UBE2O: variants seen among roughly 807,000 people sequenced by gnomAD.
UBE2O encodes the protein ubiquitin conjugating enzyme E2 O, also known as (E3-independent) E2 ubiquitin-conjugating enzyme.
In UBE2O, 15 loss-of-function variants were observed where a neutral mutation model predicts 125.8. The ratio of observed to expected loss-of-function variants is 0.12; its 90% CI spans 0.08 to 0.18. The LOEUF (loss-of-function observed/expected upper bound fraction) is 0.18, where lower values mean the gene tolerates loss of function less well. UBE2O is among the 10% of genes least tolerant of loss of function. The probability of loss-of-function intolerance (pLI) is 1.00; values close to 1 mark genes in which losing one functional copy is unlikely to be tolerated. For synonymous variants in UBE2O, 708 were observed against 703.2 expected, an observed-to-expected ratio of 1.01 and a Z score of -0.11; for missense variants, 1,280 against 1,723.6, an observed-to-expected ratio of 0.74 and a Z score of 4.56.
chr17:76,402,705 G>A lies in UBE2O; in HGVS notation c.589-6C>T. 1 of 1,612,790 alleles carries A rather than the reference G, an allele frequency of 6.2e-7. No individual in the cohort carries two copies. Among genetic ancestry groups the A allele is most frequent in the African/African-American group, 1.3e-5 (1 of 75,012 alleles). On this transcript the variant is annotated splice_polypyrimidine_tract_variant and splice_region_variant and intron_variant, in intron 3 of 17. Transcript: ENST00000319380. The surrounding 1 kb of genome is among the most constrained non-coding windows in gnomAD (Gnocchi z 5.4). The stretch of plus-strand genomic sequence containing the variant: ...TAGTCCCCATACATGAAGGGCTGCA[G>A]ACCAAGGAGGCAGGGGCAGTGAGAC...
At position 76,390,865 on chromosome 17, in the gene UBE2O, AGG is replaced by A; in HGVS notation, c.*76_*77del. On this transcript the variant is annotated 3_prime_UTR_variant, in exon 18 of 18. Transcript: ENST00000319380. ...AGTGGGGACAGAGGGGCATGGGAAG[AGG>A]GGTGATTCCGGGGGGGAGTGAGCAG... is the stretch of plus-strand genomic sequence containing the variant. 1 of 1,427,386 alleles carries A rather than the reference AGG, an allele frequency of 7.0e-7. No homozygotes were observed. Among genetic ancestry groups the A allele is most frequent in the Non-Finnish European group, 9.5e-7 (1 of 1,056,766 alleles). The allele number at this position is 1,427,386 out of a possible 1,614,324, so 88.4% of individuals were successfully genotyped here.
chr17:76,446,566 ACG>A, intron 1 of UBE2O, among the ~76,000 whole-genome samples: 1 of 152,308 alleles, frequency 6.6e-6, no homozygotes, highest in East Asian at 1.9e-4. Flanking sequence ...GCAAAAACAC[ACG>A]GAAACTGAAG....
At chr17:76,425,117 C>CG (rs2072785344) in intron 1 of UBE2O, among the ~76,000 whole-genome samples, 1 of 150,974 alleles carries the variant, frequency 6.6e-6, no homozygotes, top group Non-Finnish European at 1.5e-5. Flanking sequence ...GTGATCCACC[C>CG]GTCTGGGCCT....
intron 13 of UBE2O, among the ~76,000 whole-genome samples, chr17:76,397,232 G>A (rs927618755): frequency 2.0e-5 from 3 of 152,210 alleles, no homozygotes; most frequent in Non-Finnish European, 2.9e-5. Flanking sequence ...CATGTAGAAG[G>A]GCCGACATAT....
rs2072379013 is a variant in UBE2O at position 76,404,198 on chromosome 17, A to T, written c.588+1008T>A. On this transcript the variant is annotated intron_variant, in intron 3 of 17. Transcript: ENST00000319380. The surrounding 1 kb of genome is among the most constrained non-coding windows in gnomAD (Gnocchi z 4.3). ...GTTTGACAAATGACAGGTTATAGAC[A>T]TAATCTGGGACTACGTTCCCACAAA... Among the ~76,000 whole-genome samples the T allele has an allele frequency of 6.6e-6, 1 of 152,344 alleles. No homozygotes were observed. The highest frequency in any genetic ancestry group is 3.4e-3 in the Middle Eastern group (1 of 294).
intron 1 of UBE2O, among the ~76,000 whole-genome samples, chr17:76,423,784 CA>C (rs1419541798): frequency 1.3e-5 from 2 of 151,256 alleles, no homozygotes; most frequent in African/African-American, 4.8e-5. Flanking sequence ...AGGCCCAGGA[CA>C]TAATTGATAG....
In UBE2O at chr17:76,395,357, A is replaced by ATT. The variant is rs78701971; in HGVS notation, c.2946+366_2946+367dup. ...CATGGTGGCGGGAGAGTTTTTTGTA[A>ATT]TTTTTTTTTTTTTTTTAGTGGAGAC... is the stretch of plus-strand genomic sequence containing the variant. On this transcript the variant is annotated intron_variant, in intron 15 of 17. Coordinates refer to ENST00000319380, the MANE Select transcript of UBE2O (RefSeq NM_022066.4). This position sits in a 1 kb window ranked among gnomAD's most constrained non-coding sequence, Gnocchi z 5.0. 2.4e-4 allele frequency: 33 copies of ATT among 139,812 alleles called. No homozygotes were observed. In the East Asian group the frequency reaches 3.9e-3, roughly 16 times the overall value. The allele number at this position is 139,812 out of a possible 1,614,324, so 8.7% of individuals were successfully genotyped here.
intron 1 of UBE2O, among the ~76,000 whole-genome samples, chr17:76,423,640 C>A (rs1432054071): frequency 6.6e-6 from 1 of 151,420 alleles, no homozygotes; most frequent in Non-Finnish European, 1.5e-5. Flanking sequence ...TTGCAGTGAG[C>A]CGAGATCACA....
rs2072345790 is a variant in UBE2O, at chr17:76,402,535, T to TCC, written c.686+65_686+66dup. The TCC allele has an allele frequency of 7.2e-7, 1 of 1,387,690 alleles. No individual in the cohort carries two copies. Among genetic ancestry groups the TCC allele is most frequent in the African/African-American group, 1.4e-5 (1 of 70,502 alleles). 86.0% of individuals were successfully genotyped at this position (1,387,690 alleles called of 1,614,324 possible). ...TCACTGTCCCCAGGAGGAAACACCC[T>TCC]CCTCCTCCCCTCTTTCCAAGAGGCT... On this transcript the variant is annotated intron_variant, in intron 4 of 17. Transcript: ENST00000319380. This position sits in a 1 kb window ranked among gnomAD's most constrained non-coding sequence, Gnocchi z 5.4.
At chr17:76,408,056 T>A (rs191376946) in intron 1 of UBE2O, among the ~76,000 whole-genome samples, 98 of 152,264 alleles carry the variant, frequency 6.4e-4, no homozygotes, top group African/African-American at 1.9e-3. Context: ...CTTGTGACTT[T>A]CCTTCCTAAC....
chr17:76,402,786 AG>A lies in UBE2O; in HGVS notation c.589-88del, dbSNP rs2072351798. On this transcript the variant is annotated intron_variant, in intron 3 of 17. Coordinates refer to ENST00000319380, the MANE Select transcript of UBE2O (RefSeq NM_022066.4). This position sits in a 1 kb window ranked among gnomAD's most constrained non-coding sequence, Gnocchi z 5.4. Reference sequence around the variant, plus strand: ...GATTCCTCTATGCCCCACCGAAGACAGGATGGGGGAGGATCTAGACAGCTCA... The same window carrying A: ...GATTCCTCTATGCCCCACCGAAGACAGATGGGGGAGGATCTAGACAGCTCA... 9.1e-7 allele frequency: 1 copy of A among 1,099,420 alleles called. No homozygotes were observed. The highest frequency in any genetic ancestry group is 1.4e-6 in the Non-Finnish European group (1 of 718,632). 68.1% of individuals were successfully genotyped at this position (1,099,420 alleles called of 1,614,324 possible). A position where few individuals can be genotyped will look rare whatever the true frequency, so the allele number is the denominator to read the frequency against.
intron 1 of UBE2O, among the ~76,000 whole-genome samples, chr17:76,424,995 C>G (rs1384857240): frequency 6.6e-6 from 1 of 151,194 alleles, no homozygotes; most frequent in African/African-American, 2.4e-5. Context: ...CTCAGCCTCC[C>G]GAGTAGCTGG....
intron 1 of UBE2O, among the ~76,000 whole-genome samples, chr17:76,418,897 A>G (rs576283685): frequency 5.1e-4 from 78 of 152,292 alleles, no homozygotes; most frequent in Admixed American, 3.8e-3. Context: ...GTTGTTTATC[A>G]GCTTGAAAAA....
Position 76,399,350 on chromosome 17 carries a change from G to A in UBE2O, c.1628+99C>T. ...CCCCGGAGCCACTACAAGGCATGCA[G>A]AGGTGTGTGTGCGAGCGCAGGCACG... On this transcript the variant is annotated intron_variant, in intron 9 of 17. Coordinates refer to ENST00000319380, the MANE Select transcript of UBE2O (RefSeq NM_022066.4). This position sits in a 1 kb window ranked among gnomAD's most constrained non-coding sequence, Gnocchi z 6.9. 8.2e-7 allele frequency: 1 copy of A among 1,217,108 alleles called. No homozygotes were observed. The highest frequency in any genetic ancestry group is 1.2e-6 in the Non-Finnish European group (1 of 849,416). 75.4% of individuals were successfully genotyped at this position (1,217,108 alleles called of 1,614,324 possible).
In UBE2O at chr17:76,396,194, C is replaced by T. The variant is rs773810377; in HGVS notation, c.2743G>A (p.Gly915Ser). Residue 915 changes from glycine (G) to serine (S), a missense_variant, in exon 14 of 18, where the codon GGC (glycine) becomes AGC (serine). Physicochemically the swap from Gly to Ser is moderately conservative, Grantham distance 56. Transcript: ENST00000319380. The surrounding 1 kb of genome is among the most constrained non-coding windows in gnomAD (Gnocchi z 6.7). Reference sequence around the variant, plus strand: ...CTGGTGAAGGTGACGCCAGGCTTGCCGCCACACTGCTGGCACAGCACCGGG... The same window carrying T: ...CTGGTGAAGGTGACGCCAGGCTTGCTGCCACACTGCTGGCACAGCACCGGG... ...ETPVLCQQCG[G>S]KPGVTFTSAK... 11 of 1,613,898 alleles carry T rather than the reference C, an allele frequency of 6.8e-6. No homozygotes were observed. The highest frequency in any genetic ancestry group is 1.7e-5 in the Admixed American group (1 of 59,998).
rs2072286498 is a variant in UBE2O, at chr17:76,399,865, G to A, written c.1212C>T (p.Thr404=). ...VVRIMSCSPD[T]QCSRDHSMED... Reference sequence around the variant, plus strand: ...CCATGGAATGGTCCCGGGAACACTGGGTGTCTGGGGAGCATGACATGATCC... The same window carrying A: ...CCATGGAATGGTCCCGGGAACACTGAGTGTCTGGGGAGCATGACATGATCC... The change falls in exon 9 of 18, where the codon ACC becomes ACT. Residue 404 remains threonine, a synonymous_variant. Transcript: ENST00000319380. This position sits in a 1 kb window ranked among gnomAD's most constrained non-coding sequence, Gnocchi z 6.9. The A allele has an allele frequency of 1.2e-6, 2 of 1,613,568 alleles. No individual in the cohort carries two copies. Among genetic ancestry groups the A allele is most frequent in the Non-Finnish European group, 1.7e-6 (2 of 1,179,790 alleles).
At chr17:76,444,181 A>G (rs2143906205) in intron 1 of UBE2O, among the ~76,000 whole-genome samples, 2 of 152,336 alleles carry the variant, frequency 1.3e-5, no homozygotes, top group African/African-American at 4.8e-5. Flanking sequence ...AGGTTGCACC[A>G]CTGCACTCCA....
intron 3 of UBE2O, among the ~76,000 whole-genome samples, chr17:76,403,574 T>C (rs934475304): frequency 6.6e-6 from 1 of 152,152 alleles, no homozygotes; most frequent in Non-Finnish European, 1.5e-5. Context: ...GCCCGTGAAC[T>C]CTGCCTGAAC....
rs1160960285 is a variant in UBE2O, at chr17:76,452,944, C to T, written c.198G>A (p.Val66=). Residue 66 remains valine, a synonymous_variant, in exon 1 of 18, where the codon GTG becomes GTA. Coordinates refer to ENST00000319380, the MANE Select transcript of UBE2O (RefSeq NM_022066.4). This position sits in a 1 kb window ranked among gnomAD's most constrained non-coding sequence, Gnocchi z 4.4. The part of the protein sequence containing the change: ...SQRLLFSHDL[V]SGRYRGSVHF... The stretch of plus-strand genomic sequence containing the variant: ...GCACGGAGCCACGGTAACGGCCCGA[C>T]ACCAGGTCGTGAGAAAACAGCAGGC... 3.3e-6 allele frequency: 5 copies of T among 1,497,754 alleles called. No individual in the cohort carries two copies. The highest frequency in any genetic ancestry group is 4.5e-6 in the Non-Finnish European group (5 of 1,123,298). 92.8% of individuals were successfully genotyped at this position (1,497,754 alleles called of 1,614,324 possible).
Sources: gnomAD v4.1 joint callset for allele counts (sites outside exome capture counted in the v4.1 genomes callset) on GRCh38, gnomAD v4.1.1 for gene constraint, Gnocchi (gnomAD v3.1) non-coding constraint, MANE v1.5 for transcripts, NCBI Gene and HGNC (gene_info 2026-07-23, HGNC 2026-07-21) for gene names.